Variants in VPS13A observed in about 807,000 individuals in gnomAD.
The protein encoded by VPS13A is vacuolar protein sorting 13 homolog A.
In VPS13A, 264 loss-of-function variants were observed where a neutral mutation model predicts 390.9. The observed-to-expected ratio is 0.68, with a 90% CI of 0.61 to 0.75. VPS13A has a LOEUF of 0.75. Ranked by LOEUF, VPS13A falls within the 30% of genes least tolerant of loss-of-function variation. The pLI is 0.00. For missense variants in VPS13A, 3,409 were observed against 3,733.9 expected (o/e 0.91, Z 2.27); for synonymous variants, 1,231 against 1,227.1 (o/e 1.00, Z -0.07).
At chr9:77,384,369 A>G (rs1483500845) in intron 68 of VPS13A, among the ~76,000 whole-genome samples, 1 of 151,890 alleles carries the variant, frequency 6.6e-6, no homozygotes, top group African/African-American at 2.4e-5. Context: ...TCATCAAACC[A>G]ATTTATACAT....
At chr9:77,401,332 TGTG>T (rs1834385828) in intron 68 of VPS13A, among the ~76,000 whole-genome samples, 1 of 24,312 alleles carries the variant, frequency 4.1e-5, no homozygotes, top group Non-Finnish European at 7.5e-5. Context: ...CATGAAGTTG[TGTG>T]TGTGTGTGTG....
At chr9:77,360,048 G>A (rs1232364416) in intron 58 of VPS13A, among the ~76,000 whole-genome samples, 1 of 152,036 alleles carries the variant, frequency 6.6e-6, no homozygotes, top group Non-Finnish European at 1.5e-5. Flanking sequence ...ATAATCTCCT[G>A]TCTAATTTCC....
At chr9:77,339,937 C>T in intron 48 of VPS13A, 26 bp downstream of exon 48, 1 of 1,603,680 alleles carries the variant, frequency 6.2e-7, no homozygotes, top group South Asian at 1.1e-5. Context: ...TCTGTTTTTC[C>T]CTTGTCTTTA....
intron 35 of VPS13A, among the ~76,000 whole-genome samples, chr9:77,311,193 G>A (rs1283497557): frequency 6.6e-6 from 1 of 151,962 alleles, no homozygotes; most frequent in African/African-American, 2.4e-5. Flanking sequence ...CAAAGTGCTG[G>A]GATTACAGGC....
Position 77,339,883 on chromosome 9 carries a change from A to G in VPS13A, c.6746A>G (p.Gln2249Arg), listed in dbSNP as rs776042340. The change falls in exon 48 of 72, where the codon CAG (glutamine) becomes CGG (arginine). Residue 2249 changes from glutamine (Q) to arginine (R), a missense_variant. Physicochemically the swap from Gln to Arg is conservative, Grantham distance 43 (BLOSUM62 1). This residue lies in a region of VPS13A where 2,717 missense variants were observed against 2,917.4 expected (regional missense o/e 0.93). Coordinates refer to ENST00000360280, the MANE Select transcript of VPS13A (RefSeq NM_033305.3). ...AAAAAGCCAGTTCTCTTTTCTTTTCAGCCAAATCACTTTTTTAATAACAAT... is the reference window on the plus strand; with the variant it reads ...AAAAAGCCAGTTCTCTTTTCTTTTCGGCCAAATCACTTTTTTAATAACAAT... Reference protein sequence around the residue: ...NYKKPVLFSFQPNHFFNNNKV... With the variant: ...NYKKPVLFSFRPNHFFNNNKV... 1.4e-5 allele frequency: 23 copies of G among 1,612,376 alleles called. No homozygotes were observed. The highest frequency in any genetic ancestry group is 1.3e-4 in the Admixed American group (8 of 59,990).
intron 22 of VPS13A, among the ~76,000 whole-genome samples, chr9:77,253,881 G>T (rs1191380243): frequency 6.8e-6 from 1 of 147,304 alleles, no homozygotes; most frequent in Non-Finnish European, 1.5e-5. Flanking sequence ...TTAGATCTTT[G>T]ATCCATTGAG....
chr9:77,282,278 T>C lies in VPS13A; in HGVS notation c.3118+4T>C. 2 of 1,608,440 alleles carry C rather than the reference T, an allele frequency of 1.2e-6. No homozygotes were observed. Among genetic ancestry groups the C allele is most frequent in the African/African-American group, 1.3e-5 (1 of 74,572 alleles). ...GGAGATGTCATTAAAAAATTAGGTA[T>C]GTTTTTTAAAAATTTAGCATCAACT... On this transcript the variant is annotated splice_donor_region_variant and intron_variant, in intron 29 of 71. Coordinates refer to ENST00000360280, the MANE Select transcript of VPS13A (RefSeq NM_033305.3).
At chr9:77,265,353 A>G (rs1197912313) in intron 23 of VPS13A, among the ~76,000 whole-genome samples, 2 of 152,112 alleles carry the variant, frequency 1.3e-5, no homozygotes, top group Non-Finnish European at 2.9e-5. Context: ...ATTGTTTGGG[A>G]TAGTTTCAGA....
intron 33 of VPS13A, among the ~76,000 whole-genome samples, chr9:77,296,378 G>T (rs554280512): frequency 6.6e-6 from 1 of 152,208 alleles, no homozygotes; most frequent in African/African-American, 2.4e-5. Context: ...GTGTTTCTGT[G>T]CTATTTCTAA....
At chr9:77,285,354 C>T (rs535142265) in intron 31 of VPS13A, among the ~76,000 whole-genome samples, 2 of 152,308 alleles carry the variant, frequency 1.3e-5, no homozygotes, top group South Asian at 4.1e-4. Context: ...TTGTTTGACT[C>T]TGTCTTGGAG....
At chr9:77,196,316 C>T (rs939292628) in intron 1 of VPS13A, among the ~76,000 whole-genome samples, 1 of 152,138 alleles carries the variant, frequency 6.6e-6, no homozygotes, top group African/African-American at 2.4e-5. Context: ...ATACATTCAT[C>T]ATTTCCTTGT....
intron 24 of VPS13A, among the ~76,000 whole-genome samples, chr9:77,274,555 A>G (rs1374413240): frequency 6.6e-6 from 1 of 152,048 alleles, no homozygotes; most frequent in Non-Finnish European, 1.5e-5. Context: ...GTTATTTGGA[A>G]AATTTTGCTA....
intron 1 of VPS13A, among the ~76,000 whole-genome samples, chr9:77,192,882 A>G (rs967162207): frequency 2.3e-4 from 35 of 152,138 alleles, no homozygotes; most frequent in Non-Finnish European, 4.1e-4. Context: ...TTTGCATGTC[A>G]ACCTCTCTAG....
chr9:77,293,528 A>T lies in VPS13A; in HGVS notation c.3507+20A>T, dbSNP rs1330497475. 2 of 1,337,892 alleles carry T rather than the reference A, an allele frequency of 1.5e-6. No homozygotes were observed. The highest frequency in any genetic ancestry group is 3.0e-5 in the African/African-American group (2 of 66,256). The allele number at this position is 1,337,892 out of a possible 1,614,324, so 82.9% of individuals were successfully genotyped here. On this transcript the variant is annotated intron_variant, in intron 32 of 71. Coordinates refer to ENST00000360280, the MANE Select transcript of VPS13A (RefSeq NM_033305.3). Reference sequence around the variant, plus strand: ...ATATTGGTAAGTATTTTATTAAATTATTATTTATTTTATACTAATTGGAAA... The same window carrying T: ...ATATTGGTAAGTATTTTATTAAATTTTTATTTATTTTATACTAATTGGAAA...
chr9:77,307,681 T>G (rs966705246), intron 34 of VPS13A, among the ~76,000 whole-genome samples: 1 of 152,196 alleles, frequency 6.6e-6, no homozygotes, highest in Non-Finnish European at 1.5e-5. Flanking sequence ...TTAAAATTAC[T>G]ATATTATTTG....
chr9:77,380,050 A>G (rs1587694475), intron 67 of VPS13A, among the ~76,000 whole-genome samples: 1 of 151,918 alleles, frequency 6.6e-6, no homozygotes, highest in African/African-American at 2.4e-5. Context: ...TTATATGTTT[A>G]TAATTTTTTA....
At position 77,252,292 on chromosome 9, in the gene VPS13A, C is replaced by A. The variant is rs1564666006; in HGVS notation, c.2228C>A (p.Pro743His). 5.6e-6 allele frequency: 9 copies of A among 1,613,834 alleles called. No individual in the cohort carries two copies. The South Asian group carries it at 8.8e-5, about 16-fold the overall frequency. ...LSVSTQHILV[P>H]MHFNLELSKA... Reference sequence around the variant, plus strand: ...GTATCTACCCAGCATATTTTGGTACCCATGCACTTCAATTTGGAACTGTCT... The same window carrying A: ...GTATCTACCCAGCATATTTTGGTACACATGCACTTCAATTTGGAACTGTCT... Residue 743 changes from proline to histidine, a missense_variant, in exon 22 of 72, where the codon CCC (proline) becomes CAC (histidine). Physicochemically the swap from Pro to His is moderately conservative, Grantham distance 77. This residue lies in a region of VPS13A where 2,717 missense variants were observed against 2,917.4 expected (regional missense o/e 0.93). Transcript: ENST00000360280.
chr9:77,291,689 G>A (rs1564700332), intron 31 of VPS13A, among the ~76,000 whole-genome samples: 1 of 152,144 alleles, frequency 6.6e-6, no homozygotes, highest in Non-Finnish European at 1.5e-5. Context: ...AGATGTTAGA[G>A]GCTCCTGCTG....
intron 71 of VPS13A, among the ~76,000 whole-genome samples, chr9:77,408,148 G>A (rs1834718747): frequency 6.6e-6 from 1 of 152,212 alleles, no homozygotes; most frequent in Non-Finnish European, 1.5e-5. Flanking sequence ...GAACTGAAAA[G>A]CATGGTGTGT....
Sources: allele counts gnomAD v4.1 joint callset (sites outside exome capture counted in the v4.1 genomes callset), GRCh38; gene constraint gnomAD v4.1.1; regional missense constraint gnomAD v4.1.1; transcripts MANE v1.5; gene names NCBI Gene and HGNC (gene_info 2026-07-23, HGNC 2026-07-21).